ZNF804A: variants seen among roughly 807,000 people sequenced by gnomAD.
The protein encoded by ZNF804A is zinc finger protein 804A.
Under a neutral mutation model 16.5 loss-of-function variants are expected in ZNF804A, and 2 were observed. The observed-to-expected ratio is 0.12, with a 90% CI of 0.05 to 0.38. The LOEUF (loss-of-function observed/expected upper bound fraction) is 0.38. Among genes scored for constraint, ZNF804A ranks in the 10% least tolerant of loss-of-function variants. The probability of loss-of-function intolerance (pLI) is 0.99; values close to 1 mark genes in which losing one functional copy is unlikely to be tolerated. For missense variants in ZNF804A, 1,473 were observed against 1,390.7 expected, an observed-to-expected ratio of 1.06 and a Z score of -0.94; for synonymous variants, 534 against 489.6, an observed-to-expected ratio of 1.09 and a Z score of -1.20.
At chr2:184,888,074 A>C (rs1185666758) in intron 2 of ZNF804A, among the ~76,000 whole-genome samples, 1 of 152,170 alleles carries the variant, frequency 6.6e-6, no homozygotes, top group East Asian at 1.9e-4. Flanking sequence ...CCTCCTCTAC[A>C]TGCAATTTAC....
chr2:184,750,128 G>T (rs1392745464), intron 1 of ZNF804A, among the ~76,000 whole-genome samples: 19 of 151,192 alleles, frequency 1.3e-4, no homozygotes, highest in Non-Finnish European at 1.0e-4. Flanking sequence ...ATATTTACTT[G>T]TGTTGGTTAA....
intron 1 of ZNF804A, among the ~76,000 whole-genome samples, chr2:184,603,632 T>C (rs1238735954): frequency 6.6e-6 from 1 of 152,184 alleles, no homozygotes; most frequent in East Asian, 1.9e-4. Context: ...AATTGGTGAA[T>C]TGGTGCTGCT....
intron 1 of ZNF804A, among the ~76,000 whole-genome samples, chr2:184,715,902 A>T (rs895682752): frequency 6.6e-6 from 1 of 152,174 alleles, no homozygotes; most frequent in African/African-American, 2.4e-5. Context: ...TTTGGCTCAT[A>T]ATAGGCATTC....
At chr2:184,828,980 C>A (rs1695217363) in intron 1 of ZNF804A, among the ~76,000 whole-genome samples, 1 of 151,228 alleles carries the variant, frequency 6.6e-6, no homozygotes, top group Admixed American at 6.6e-5. Context: ...ACTTCACATA[C>A]TTCCTCAAAA....
At chr2:184,845,324 A>G (rs1356496758) in intron 1 of ZNF804A, among the ~76,000 whole-genome samples, 2 of 152,152 alleles carry the variant, frequency 1.3e-5, no homozygotes, top group African/African-American at 2.4e-5. Flanking sequence ...ATAGACCTTC[A>G]GTCTTTGATA....
chr2:184,892,004 A>T (rs1558994456), intron 2 of ZNF804A, among the ~76,000 whole-genome samples: 1 of 152,230 alleles, frequency 6.6e-6, no homozygotes, highest in Non-Finnish European at 1.5e-5. Context: ...GAAAGAAATT[A>T]CAAGGAGAAA....
At chr2:184,730,599 A>G (rs185312792) in intron 1 of ZNF804A, among the ~76,000 whole-genome samples, 178 of 152,288 alleles carry the variant, frequency 1.2e-3, no homozygotes, top group Middle Eastern at 3.4e-3. Flanking sequence ...TGACTTTTCC[A>G]GAATGTCATA....
intron 2 of ZNF804A, among the ~76,000 whole-genome samples, chr2:184,915,193 A>G (rs1261519227): frequency 1.3e-5 from 2 of 152,074 alleles, no homozygotes; most frequent in Admixed American, 1.3e-4. Context: ...AATATAATTA[A>G]CATCTTGTAT....
intron 1 of ZNF804A, among the ~76,000 whole-genome samples, chr2:184,807,334 T>C (rs1004205649): frequency 5.9e-5 from 9 of 151,920 alleles, no homozygotes; most frequent in African/African-American, 1.9e-4. Context: ...GCAACCTGGG[T>C]TAATTGTTTG....
chr2:184,678,065 A>G (rs1397379142), intron 1 of ZNF804A, among the ~76,000 whole-genome samples: 2 of 152,074 alleles, frequency 1.3e-5, no homozygotes, highest in African/African-American at 4.8e-5. Context: ...CACAGTAATA[A>G]TTAATTAGTT....
intron 1 of ZNF804A, among the ~76,000 whole-genome samples, chr2:184,717,423 G>A (rs1409985665): frequency 6.6e-6 from 1 of 151,928 alleles, no homozygotes; most frequent in African/African-American, 2.4e-5. Flanking sequence ...TCCTTTTAAG[G>A]CACCTCAGTG....
At chr2:184,683,122 C>G (rs996067810) in intron 1 of ZNF804A, among the ~76,000 whole-genome samples, 2 of 152,104 alleles carry the variant, frequency 1.3e-5, no homozygotes, top group African/African-American at 2.4e-5. Flanking sequence ...ATTGCAGTAT[C>G]TATTTTATCT....
intron 1 of ZNF804A, among the ~76,000 whole-genome samples, chr2:184,614,108 C>G (rs1368082569): frequency 6.6e-6 from 1 of 152,040 alleles, no homozygotes; most frequent in East Asian, 1.9e-4. Flanking sequence ...TGGAACAGAA[C>G]AGAGGCCTCA....
chr2:184,606,528 C>G (rs1691148646), intron 1 of ZNF804A, among the ~76,000 whole-genome samples: 1 of 152,084 alleles, frequency 6.6e-6, no homozygotes, highest in Non-Finnish European at 1.5e-5. Context: ...ATCACGTAGC[C>G]AGTTATTTAA....
chr2:184,713,033 T>G (rs1488611613), intron 1 of ZNF804A, among the ~76,000 whole-genome samples: 1 of 151,750 alleles, frequency 6.6e-6, no homozygotes, highest in Non-Finnish European at 1.5e-5. Flanking sequence ...TTTAGGTAAC[T>G]GGAGATTTAT....
At chr2:184,790,928 C>T (rs189522336) in intron 1 of ZNF804A, among the ~76,000 whole-genome samples, 57 of 152,136 alleles carry the variant, frequency 3.7e-4, no homozygotes, top group Non-Finnish European at 7.5e-4. Context: ...TATATAATGC[C>T]CTTCTTTGTC....
intron 1 of ZNF804A, among the ~76,000 whole-genome samples, chr2:184,784,404 G>T (rs1215085942): frequency 6.6e-6 from 1 of 151,912 alleles, no homozygotes. Context: ...TAATGTAAAT[G>T]TGGGGTTATT....
At chr2:184,763,462 A>G (rs896640980) in intron 1 of ZNF804A, among the ~76,000 whole-genome samples, 2 of 151,932 alleles carry the variant, frequency 1.3e-5, no homozygotes, top group Non-Finnish European at 2.9e-5. Context: ...AAATATTACT[A>G]CTAAGACTTC....
At position 184,720,124 on chromosome 2, in the gene ZNF804A, G is replaced by A. The variant is rs374895302; in HGVS notation, c.111+121054G>A. Among the ~76,000 whole-genome samples the A allele has an allele frequency of 4.6e-5, 7 of 152,148 alleles. No individual in the cohort carries two copies. In the East Asian group the frequency reaches 1.4e-3, roughly 29 times the overall value. On this transcript the variant is annotated intron_variant, in intron 1 of 3. Transcript: ENST00000302277. ...CAAGAGAAGACGTTTTGTGCAGGGA[G>A]ACTCCTGTTTTTAAAAGCATCAGAT...
Sources: allele counts gnomAD v4.1 joint callset (sites outside exome capture counted in the v4.1 genomes callset), GRCh38; gene constraint gnomAD v4.1.1; transcripts MANE v1.5; gene names NCBI Gene and HGNC (gene_info 2026-07-23, HGNC 2026-07-21).